Variants in DNAH8 observed in about 807,000 individuals in gnomAD.
The protein encoded by DNAH8 is dynein axonemal heavy chain 8.
Under a neutral mutation model 562.1 loss-of-function variants are expected in DNAH8, and 382 were observed. The observed-to-expected ratio is 0.68, with a 90% CI of 0.63 to 0.74. DNAH8 has a LOEUF of 0.74. DNAH8 is among the 30% of genes least tolerant of loss of function. The pLI, the probability that DNAH8 is intolerant of heterozygous loss-of-function variation, is 0.00. For synonymous variants in DNAH8, 1,881 were observed against 1,919.4 expected (o/e 0.98, Z 0.52); for missense variants, 5,203 against 5,620.4 (o/e 0.93, Z 2.37).
intron 58 of DNAH8, among the ~76,000 whole-genome samples, chr6:38,892,782 A>T (rs970920321): frequency 6.6e-6 from 1 of 152,180 alleles, no homozygotes; most frequent in Non-Finnish European, 1.5e-5. Context: ...TTACAATGTC[A>T]GCAGACTCCG....
At chr6:38,743,451 G>T (rs1312541781) in intron 8 of DNAH8, among the ~76,000 whole-genome samples, 1 of 151,948 alleles carries the variant, frequency 6.6e-6, no homozygotes, top group Non-Finnish European at 1.5e-5. Flanking sequence ...TATTTTTAGT[G>T]TATTCATAGT....
At chr6:38,979,360 G>A (rs984549105) in intron 85 of DNAH8, among the ~76,000 whole-genome samples, 6 of 152,078 alleles carry the variant, frequency 3.9e-5, no homozygotes, top group Non-Finnish European at 8.8e-5. Context: ...TATTGCATAG[G>A]ACTCATCCCA....
chr6:39,021,674 G>A (rs371007764), intron 91 of DNAH8, among the ~76,000 whole-genome samples: 9 of 152,188 alleles, frequency 5.9e-5, no homozygotes, highest in African/African-American at 2.2e-4. Flanking sequence ...TCTTAAACTC[G>A]TGGCAGGAAC....
intron 25 of DNAH8, among the ~76,000 whole-genome samples, chr6:38,814,954 G>C (rs1018351089): frequency 2.0e-5 from 3 of 152,112 alleles, no homozygotes; most frequent in Admixed American, 1.3e-4. Flanking sequence ...TGGGTCAAAG[G>C]ATAAGGCCAG....
In DNAH8 at chr6:38,999,982, A is replaced by G. The variant is rs1368815714; in HGVS notation, c.13215-8832A>G. ...AAAGGTGCCAGGAAATAAAAAAACAATAATAACAATATACTATGTTTTTAC... is the reference window on the plus strand; with the variant it reads ...AAAGGTGCCAGGAAATAAAAAAACAGTAATAACAATATACTATGTTTTTAC... On this transcript the variant is annotated intron_variant, in intron 88 of 92. Coordinates refer to ENST00000327475, the MANE Select transcript of DNAH8 (RefSeq NM_001206927.2). 2.0e-5 allele frequency among the ~76,000 whole-genome samples: 3 copies of G among 152,084 alleles called. No individual in the cohort carries two copies. In the East Asian group the frequency reaches 5.8e-4, roughly 29 times the overall value.
rs70981590 is a variant in DNAH8 at position 38,818,537 on chromosome 6, C to CAAAAAAAAAAAAAAAAA, written c.3523+2896_3523+2897insAAAAAAAAAAAAAAAAA. ...CAAAATAAGAAAGCAAAAGCAAAAG[C>CAAAAAAAAAAAAAAAAA]AAAAAAAAAAAAAAAAGAAGATATG... On this transcript the variant is annotated intron_variant, in intron 26 of 92. Transcript: ENST00000327475. 1.5e-3 allele frequency among the ~76,000 whole-genome samples: 115 copies of CAAAAAAAAAAAAAAAAA among 75,724 alleles called. 5 individuals carry two copies. Among genetic ancestry groups the CAAAAAAAAAAAAAAAAA allele is most frequent in the Middle Eastern group, 8.8e-3 (1 of 114 alleles). The allele number at this position is 75,724 out of a possible 152,430, so 49.7% of individuals were successfully genotyped here.
intron 3 of DNAH8, among the ~76,000 whole-genome samples, chr6:38,728,426 A>G (rs968698201): frequency 2.0e-5 from 2 of 98,534 alleles, no homozygotes; most frequent in East Asian, 2.0e-4. Flanking sequence ...TCTCACATTT[A>G]CTTTGCTAGT....
intron 1 of DNAH8, 139 bp from the exon 2 acceptor site, chr6:38,722,637 C>T (rs1345470584): frequency 2.9e-6 from 2 of 680,056 alleles, no homozygotes; most frequent in East Asian, 5.6e-5. Context: ...CTCTCCAGCC[C>T]CATAAACTAA....
intron 82 of DNAH8, among the ~76,000 whole-genome samples, chr6:38,970,136 G>A (rs934105590): frequency 8.5e-5 from 13 of 152,178 alleles, no homozygotes; most frequent in African/African-American, 2.9e-4. Flanking sequence ...CTTCCTTGTA[G>A]AAGGTGTGTT....
In DNAH8 at chr6:38,805,542, A is replaced by G. The variant is rs1208546414; in HGVS notation, c.3096A>G (p.Glu1032=). The change falls in exon 23 of 93, where the codon GAA becomes GAG. Residue 1032 remains glutamate, a synonymous_variant. Coordinates refer to ENST00000327475, the MANE Select transcript of DNAH8 (RefSeq NM_001206927.2). ...ETGEGENNDY[E]ANIVNEFDTH... Reference sequence around the variant, plus strand: ...GAGAGGGTGAAAACAATGACTATGAAGCTAATATTGTGAATGAGTTTGATA... The same window carrying G: ...GAGAGGGTGAAAACAATGACTATGAGGCTAATATTGTGAATGAGTTTGATA... The G allele has an allele frequency of 4.3e-6, 7 of 1,610,130 alleles. No individual in the cohort carries two copies. Among genetic ancestry groups the G allele is most frequent in the South Asian group, 3.3e-5 (3 of 90,964 alleles).
At chr6:38,752,337 T>C (rs1438087392) in intron 9 of DNAH8, among the ~76,000 whole-genome samples, 1 of 152,200 alleles carries the variant, frequency 6.6e-6, no homozygotes, top group Non-Finnish European at 1.5e-5. Context: ...CTAATTTTTG[T>C]ATTTTTAGTA....
intron 86 of DNAH8, among the ~76,000 whole-genome samples, chr6:38,983,932 A>T (rs1475887534): frequency 6.6e-6 from 1 of 152,228 alleles, no homozygotes; most frequent in Non-Finnish European, 1.5e-5. Flanking sequence ...TTATATCCCC[A>T]GAGTGAAAAT....
chr6:39,012,242 C>A lies in DNAH8; in HGVS notation c.13399C>A (p.His4467Asn). The A allele has an allele frequency of 1.2e-6, 2 of 1,608,838 alleles. No individual in the cohort carries two copies. The highest frequency in any genetic ancestry group is 1.7e-6 in the Non-Finnish European group (2 of 1,176,604). Residue 4467 changes from histidine to asparagine, a missense_variant, in exon 90 of 93, where the codon CAT (histidine) becomes AAT (asparagine). By Grantham distance (68) the His-to-Asn change is moderately conservative. Around this residue, in one of 6 missense-constraint regions of DNAH8, gnomAD observed 1,399 missense variants for 1,518.4 expected, o/e 0.92. Coordinates refer to ENST00000327475, the MANE Select transcript of DNAH8 (RefSeq NM_001206927.2). Reference sequence around the variant, plus strand: ...GAAATCTCGTTTGATAAAGATGGGCCATCTTAATTCAATGAACATATTTCT... The same window carrying A: ...GAAATCTCGTTTGATAAAGATGGGCAATCTTAATTCAATGAACATATTTCT... ...EVKSRLIKMG[H>N]LNSMNIFLRQ...
rs68060910 is a variant in DNAH8 at position 38,867,752 on chromosome 6, CA to C, written c.6694-290del. ...TGGATGACAGAGTGAGACTCCATCTCAAAAAAAAAAAAAAAAAAAACAAAAA... is the reference window on the plus strand; with the variant it reads ...TGGATGACAGAGTGAGACTCCATCTCAAAAAAAAAAAAAAAAAAACAAAAA... On this transcript the variant is annotated intron_variant, in intron 47 of 92. Coordinates refer to ENST00000327475, the MANE Select transcript of DNAH8 (RefSeq NM_001206927.2). 9.4e-3 allele frequency among the ~76,000 whole-genome samples: 835 copies of C among 88,742 alleles called. 5 individuals are homozygous for C. Among genetic ancestry groups the C allele is most frequent in the African/African-American group, 0.025 (579 of 22,718 alleles). The allele number at this position is 88,742 out of a possible 152,430, so 58.2% of individuals were successfully genotyped here.
At chr6:38,744,648 A>G (rs1423953568) in intron 8 of DNAH8, among the ~76,000 whole-genome samples, 1 of 152,066 alleles carries the variant, frequency 6.6e-6, no homozygotes, top group African/African-American at 2.4e-5. Flanking sequence ...GCTGGAGTGC[A>G]GTGGCACTAT....
chr6:38,932,721 G>A (rs151059693), intron 76 of DNAH8, among the ~76,000 whole-genome samples: 14 of 152,248 alleles, frequency 9.2e-5, no homozygotes, highest in African/African-American at 3.4e-4. Context: ...TGAAGTGGAT[G>A]GGTGAGAAAA....
At chr6:38,898,607 T>C (rs536395397) in intron 61 of DNAH8, among the ~76,000 whole-genome samples, 18 of 152,298 alleles carry the variant, frequency 1.2e-4, no homozygotes, top group Middle Eastern at 3.4e-3. Context: ...AATAGATGGT[T>C]TTCTGTTCAG....
intron 91 of DNAH8, among the ~76,000 whole-genome samples, chr6:39,018,084 A>G (rs1766674655): frequency 6.6e-6 from 1 of 152,210 alleles, no homozygotes; most frequent in Non-Finnish European, 1.5e-5. Flanking sequence ...CTAAACTTCA[A>G]CGTGAGTGAT....
At chr6:38,840,049 A>G (rs187977127) in intron 33 of DNAH8, among the ~76,000 whole-genome samples, 6 of 152,352 alleles carry the variant, frequency 3.9e-5, no homozygotes, top group Admixed American at 2.0e-4. Flanking sequence ...TTGAAGATGT[A>G]TATATACAAA....
Sources: allele counts gnomAD v4.1 joint callset (sites outside exome capture counted in the v4.1 genomes callset), GRCh38; gene constraint gnomAD v4.1.1; regional missense constraint gnomAD v4.1.1; transcripts MANE v1.5; gene names NCBI Gene and HGNC (gene_info 2026-07-23, HGNC 2026-07-21).